ARHGAP32: variants seen among roughly 807,000 people sequenced by gnomAD.
ARHGAP32 encodes the protein rho GTPase-activating protein 32.
A neutral mutation model predicts 186.5 loss-of-function variants in ARHGAP32; 51 were observed. That is an observed-to-expected ratio of 0.27 (90% confidence interval 0.22 to 0.35). The LOEUF is 0.35. Ranked by LOEUF, ARHGAP32 falls within the 10% of genes least tolerant of loss-of-function variation. The pLI is 1.00. For missense variants in ARHGAP32, 2,186 were observed against 2,623.5 expected (o/e 0.83, Z 3.64); for synonymous variants, 950 against 964.3 (o/e 0.99, Z 0.27).
intron 5 of ARHGAP32, among the ~76,000 whole-genome samples, chr11:129,113,562 G>GT (rs1301623493): frequency 1.1e-4 from 17 of 151,586 alleles, no homozygotes; most frequent in Non-Finnish European, 8.8e-5. Context: ...CTTTTTCTTA[G>GT]TTTTTTTCCA....
chr11:129,060,318 C>T (rs1290067133), intron 10 of ARHGAP32, among the ~76,000 whole-genome samples: 1 of 151,462 alleles, frequency 6.6e-6, no homozygotes, highest in Admixed American at 6.6e-5. Context: ...AAGCAAATGA[C>T]TTCCCTAAGG....
At chr11:129,116,816 C>A (rs1434909030) in intron 5 of ARHGAP32, among the ~76,000 whole-genome samples, 1 of 151,994 alleles carries the variant, frequency 6.6e-6, no homozygotes, top group African/African-American at 2.4e-5. Context: ...TGACTTCCCA[C>A]ATTTTAAAGA....
chr11:129,145,794 C>T (rs939873451), intron 2 of ARHGAP32, among the ~76,000 whole-genome samples: 1 of 152,042 alleles, frequency 6.6e-6, no homozygotes, highest in African/African-American at 2.4e-5. Context: ...TTCTCAGTAA[C>T]GTATTAAATA....
At chr11:129,043,063 G>A (rs1939661236) in intron 10 of ARHGAP32, among the ~76,000 whole-genome samples, 2 of 152,192 alleles carry the variant, frequency 1.3e-5, no homozygotes, top group African/African-American at 4.8e-5. Flanking sequence ...TATTTCAAGA[G>A]TGACTCTGAA....
chr11:129,167,206 T>C (rs1939324), intron 1 of ARHGAP32, among the ~76,000 whole-genome samples: 29,593 of 151,964 alleles, frequency 0.19, 3,082 homozygotes, highest in Non-Finnish European at 0.23. Flanking sequence ...CATTAATAAT[T>C]TGGAAAGCAA....
intron 6 of ARHGAP32, among the ~76,000 whole-genome samples, chr11:129,075,045 C>T (rs916466433): frequency 5.3e-5 from 8 of 151,816 alleles, no homozygotes; most frequent in Non-Finnish European, 8.8e-5. Flanking sequence ...ATATATATCA[C>T]AATAAAGTTG....
At chr11:129,093,058 G>A (rs1474491960) in intron 6 of ARHGAP32, among the ~76,000 whole-genome samples, 1 of 151,952 alleles carries the variant, frequency 6.6e-6, no homozygotes, top group Non-Finnish European at 1.5e-5. Flanking sequence ...AATATTAAAA[G>A]TCAAGAAATA....
chr11:128,966,021 A>G lies in ARHGAP32; in HGVS notation c.*2886T>C, dbSNP rs1008534184. On this transcript the variant is annotated 3_prime_UTR_variant, in exon 23 of 23. Coordinates refer to ENST00000682385, the MANE Select transcript of ARHGAP32 (RefSeq NM_001378024.1). ...CAGGGACTTGCAGGTTTGAAACGAAATTGAATATAGTAAGAAATAAGGCTC... is the reference window on the plus strand; with the variant it reads ...CAGGGACTTGCAGGTTTGAAACGAAGTTGAATATAGTAAGAAATAAGGCTC... 7.9e-5 allele frequency: 12 copies of G among 152,234 alleles called. No homozygotes were observed. The highest frequency in any genetic ancestry group is 1.3e-4 in the Non-Finnish European group (9 of 68,050). The allele number at this position is 152,234 out of a possible 1,614,324, so 9.4% of individuals were successfully genotyped here.
At chr11:129,249,318 CATAT>C (rs10537340) in intron 1 of ARHGAP32, among the ~76,000 whole-genome samples, 2 of 151,290 alleles carry the variant, frequency 1.3e-5, no homozygotes, top group African/African-American at 2.4e-5. Context: ...AATACTCATA[CATAT>C]ATATATATAC....
At chr11:129,214,314 A>G (rs570114372) in intron 1 of ARHGAP32, among the ~76,000 whole-genome samples, 18 of 152,322 alleles carry the variant, frequency 1.2e-4, no homozygotes, top group African/African-American at 4.1e-4. Flanking sequence ...TACCACACTA[A>G]TGTAAGATGT....
At chr11:129,217,084 A>T (rs1026657701) in intron 1 of ARHGAP32, among the ~76,000 whole-genome samples, 3 of 152,020 alleles carry the variant, frequency 2.0e-5, no homozygotes, top group African/African-American at 7.2e-5. Flanking sequence ...TTTGTCCAAT[A>T]ATTTATTTTT....
chr11:129,188,504 C>A (rs1363065732), intron 1 of ARHGAP32, among the ~76,000 whole-genome samples: 3 of 152,106 alleles, frequency 2.0e-5, no homozygotes, highest in African/African-American at 7.2e-5. Flanking sequence ...ATACCACAGT[C>A]AAGACCCTTA....
intron 1 of ARHGAP32, among the ~76,000 whole-genome samples, chr11:129,199,724 C>G (rs1565466698): frequency 6.6e-6 from 1 of 152,346 alleles, no homozygotes; most frequent in East Asian, 1.9e-4. Context: ...TTGAAGCCCC[C>G]ACACAGAGCC....
intron 11 of ARHGAP32, among the ~76,000 whole-genome samples, chr11:129,007,105 G>T (rs1194987854): frequency 6.6e-6 from 1 of 152,084 alleles, no homozygotes; most frequent in African/African-American, 2.4e-5. Flanking sequence ...TGCCAGGCCT[G>T]GAACTTATCC....
intron 15 of ARHGAP32, among the ~76,000 whole-genome samples, chr11:128,982,552 G>A (rs1945736780): frequency 1.3e-5 from 2 of 151,712 alleles, no homozygotes; most frequent in South Asian, 4.2e-4. Flanking sequence ...CACCTAGCAT[G>A]TCTCAAAGCG....
intron 15 of ARHGAP32, among the ~76,000 whole-genome samples, chr11:128,983,499 TGG>T (rs1051241168): frequency 2.3e-5 from 2 of 87,854 alleles, no homozygotes; most frequent in African/African-American, 4.6e-5. Context: ...TGTTGTGGGG[TGG>T]GGGGAAGGGG....
chr11:129,012,675 A>G (rs562187978), intron 11 of ARHGAP32, among the ~76,000 whole-genome samples: 1 of 152,320 alleles, frequency 6.6e-6, no homozygotes, highest in African/African-American at 2.4e-5. Flanking sequence ...TCAAATAAAT[A>G]AAAATCCTGA....
intron 2 of ARHGAP32, among the ~76,000 whole-genome samples, chr11:129,155,660 T>G (rs1390011004): frequency 6.6e-6 from 1 of 152,078 alleles, no homozygotes. Context: ...ATGGTGAGTT[T>G]ATCAAATCAC....
chr11:129,046,845 CCGGG>C (rs1259556322), intron 10 of ARHGAP32, among the ~76,000 whole-genome samples: 1 of 152,092 alleles, frequency 6.6e-6, no homozygotes, highest in Non-Finnish European at 1.5e-5. Context: ...AAATTCTTGG[CCGGG>C]CGCGGTGGCT....
Sources: allele counts gnomAD v4.1 joint callset (sites outside exome capture counted in the v4.1 genomes callset), GRCh38; gene constraint gnomAD v4.1.1; transcripts MANE v1.5; gene names NCBI Gene and HGNC (gene_info 2026-07-23, HGNC 2026-07-21).